Variants in KIF1B observed in about 807,000 individuals in gnomAD.
KIF1B encodes kinesin-like protein KIF1B.
A neutral mutation model predicts 241.9 loss-of-function variants in KIF1B; 76 were observed. The ratio of observed to expected loss-of-function variants is 0.31; its 90% confidence interval spans 0.26 to 0.38. The LOEUF (loss-of-function observed/expected upper bound fraction) is 0.38. Among genes scored for constraint, KIF1B ranks in the 10% least tolerant of loss-of-function variants. The pLI is 1.00. For missense variants in KIF1B, 1,622 were observed against 2,271.4 expected (o/e 0.71, Z 5.81); for synonymous variants, 750 against 796.7 (o/e 0.94, Z 0.99).
At chr1:10,345,154 A>C (rs1652543430) in intron 34 of KIF1B, among the ~76,000 whole-genome samples, 1 of 152,218 alleles carries the variant, frequency 6.6e-6, no homozygotes, top group Non-Finnish European at 1.5e-5. Context: ...AGATCACGCC[A>C]TAAAAAAGAA....
chr1:10,334,386 T>G, intron 27 of KIF1B, 134 bp from the exon 28 acceptor site: 1 of 772,172 alleles, frequency 1.3e-6, no homozygotes, highest in South Asian at 1.4e-5. Flanking sequence ...TCTGAGAGGC[T>G]AGGACTGAGA....
At chr1:10,235,635 T>C (rs1571113579) in intron 2 of KIF1B, among the ~76,000 whole-genome samples, 1 of 151,992 alleles carries the variant, frequency 6.6e-6, no homozygotes, top group African/African-American at 2.4e-5. Context: ...CCGAGGTGGG[T>C]GGATCACCTG....
Position 10,378,392 on chromosome 1 carries a change from G to T in KIF1B, c.*1805G>T, listed in dbSNP as rs1353195997. ...AGAGAAGATAAGTCTGTCTCTTTCA[G>T]CTGCCAGTAAGTTTTCCAGGATGAG... On this transcript the variant is annotated 3_prime_UTR_variant, in exon 49 of 49. Coordinates refer to ENST00000676179, the MANE Select transcript of KIF1B (RefSeq NM_001365951.3). The T allele has an allele frequency of 2.8e-6, 2 of 717,858 alleles. No individual in the cohort carries two copies. Among genetic ancestry groups the T allele is most frequent in the Admixed American group, 2.0e-5 (1 of 50,018 alleles). 44.5% of individuals were successfully genotyped at this position (717,858 alleles called of 1,614,324 possible).
At chr1:10,235,969 A>T (rs1647046102) in intron 2 of KIF1B, among the ~76,000 whole-genome samples, 1 of 151,490 alleles carries the variant, frequency 6.6e-6, no homozygotes, top group African/African-American at 2.4e-5. Context: ...GTAAGATTTA[A>T]ACTAAACATA....
chr1:10,358,655 C>T (rs1272995675), intron 38 of KIF1B, among the ~76,000 whole-genome samples: 1 of 149,612 alleles, frequency 6.7e-6, no homozygotes, highest in East Asian at 1.9e-4. Flanking sequence ...CCTACTCCAG[C>T]CTGGGTGACA....
At chr1:10,261,053 G>A (rs925321234) in intron 4 of KIF1B, among the ~76,000 whole-genome samples, 4 of 151,318 alleles carry the variant, frequency 2.6e-5, no homozygotes, top group Non-Finnish European at 5.9e-5. Flanking sequence ...TGCAACCTCC[G>A]CCTCCTGGGT....
At chr1:10,263,065 T>C (rs1287457347) in intron 5 of KIF1B, among the ~76,000 whole-genome samples, 2 of 152,040 alleles carry the variant, frequency 1.3e-5, no homozygotes, top group African/African-American at 4.8e-5. Flanking sequence ...AATGGATCAC[T>C]TGAGGCCAGG....
At chr1:10,266,605 T>C (rs1343700468) in intron 5 of KIF1B, among the ~76,000 whole-genome samples, 1 of 152,238 alleles carries the variant, frequency 6.6e-6, no homozygotes, top group African/African-American at 2.4e-5. Context: ...GCATCACCCG[T>C]CTGTTTTGTC....
Position 10,277,767 on chromosome 1 carries a change from G to A in KIF1B, c.1038-219G>A, listed in dbSNP as rs41274454. On this transcript the variant is annotated intron_variant, in intron 12 of 48. Coordinates refer to ENST00000676179, the MANE Select transcript of KIF1B (RefSeq NM_001365951.3). ...TCATAAGTTGGGTTTAAGTCCTCTC[G>A]CTGTTATTTCCATTGTGATCTTGGG... Among the ~76,000 whole-genome samples, 814 of 152,234 alleles carry A rather than the reference G, an allele frequency of 5.3e-3. 3 individuals carry two copies. The highest frequency in any genetic ancestry group is 8.1e-3 in the Non-Finnish European group (553 of 67,996).
rs1305262930 is a variant in KIF1B, at chr1:10,339,641, T to TA, written c.3423-125dup. 3.8e-6 allele frequency: 3 copies of TA among 785,890 alleles called. No homozygotes were observed. In the African/African-American group the frequency reaches 5.2e-5, roughly 14 times the overall value. 48.7% of individuals were successfully genotyped at this position (785,890 alleles called of 1,614,324 possible). Reference sequence around the variant, plus strand: ...TGGAAAAGGTTCTTGACAAGGAAAGTAAATAACTTAAAGAATCTGCTTAAG... The same window carrying TA: ...TGGAAAAGGTTCTTGACAAGGAAAGTAAAATAACTTAAAGAATCTGCTTAAG... On this transcript the variant is annotated intron_variant, in intron 31 of 48. Coordinates refer to ENST00000676179, the MANE Select transcript of KIF1B (RefSeq NM_001365951.3).
At chr1:10,281,722 C>G (rs933846373) in intron 14 of KIF1B, among the ~76,000 whole-genome samples, 1 of 152,136 alleles carries the variant, frequency 6.6e-6, no homozygotes, top group Non-Finnish European at 1.5e-5. Flanking sequence ...TATAATTACC[C>G]CTTTTTTATT....
At chr1:10,265,185 A>AT (rs1030099277) in intron 5 of KIF1B, among the ~76,000 whole-genome samples, 2 of 150,522 alleles carry the variant, frequency 1.3e-5, no homozygotes, top group African/African-American at 4.9e-5. Context: ...CAAGTTCTTA[A>AT]TTTTTTAAAA....
intron 22 of KIF1B, among the ~76,000 whole-genome samples, chr1:10,309,194 G>A (rs1199114160): frequency 1.3e-5 from 2 of 152,162 alleles, no homozygotes; most frequent in Non-Finnish European, 2.9e-5. Context: ...CACGCATCAT[G>A]GGATAGAATA....
intron 4 of KIF1B, among the ~76,000 whole-genome samples, chr1:10,260,733 GGC>G (rs1648086456): frequency 4.0e-5 from 6 of 151,820 alleles, no homozygotes; most frequent in Non-Finnish European, 7.4e-5. Context: ...CAGGCATGGT[GGC>G]GCATGCCTGT....
At chr1:10,258,410 C>A in intron 3 of KIF1B, 83 bp from the exon 4 acceptor site, 3 of 1,407,806 alleles carry the variant, frequency 2.1e-6, no homozygotes, top group Non-Finnish European at 3.0e-6. Context: ...TGATTCCAGA[C>A]ACTTTTATTA....
At chr1:10,318,414 C>T (rs1226475924) in intron 22 of KIF1B, among the ~76,000 whole-genome samples, 2 of 151,484 alleles carry the variant, frequency 1.3e-5, no homozygotes, top group African/African-American at 4.9e-5. Context: ...GTAATTGGGT[C>T]ACTGCTAGGG....
At chr1:10,334,170 G>A (rs1012365866) in intron 27 of KIF1B, among the ~76,000 whole-genome samples, 6 of 102,262 alleles carry the variant, frequency 5.9e-5, no homozygotes, top group South Asian at 3.1e-4. Flanking sequence ...AAAAAAAAAA[G>A]GTTGAGCTCT....
intron 28 of KIF1B, 60 bp downstream of exon 28, chr1:10,334,698 T>C: frequency 7.7e-7 from 1 of 1,291,640 alleles, no homozygotes. Context: ...CAAAGCAGGC[T>C]GATTCTGCGT....
intron 22 of KIF1B, chr1:10,304,347 CAAT>C: frequency 6.2e-7 from 1 of 1,614,180 alleles, no homozygotes; most frequent in Non-Finnish European, 8.5e-7. Flanking sequence ...GCAATTCTCT[CAAT>C]AATGGCCAGC....
Sources: gnomAD v4.1 joint callset for allele counts (sites outside exome capture counted in the v4.1 genomes callset) on GRCh38, gnomAD v4.1.1 for gene constraint, MANE v1.5 for transcripts, NCBI Gene and HGNC (gene_info 2026-07-23, HGNC 2026-07-21) for gene names.